Variants in PRUNE2 observed in about 807,000 individuals in gnomAD.
PRUNE2 encodes prune homolog 2 with BCH domain.
In PRUNE2, 164 loss-of-function variants were observed where a neutral mutation model predicts 252.0. That is an observed-to-expected ratio of 0.65 (90% CI 0.57 to 0.74). The LOEUF (loss-of-function observed/expected upper bound fraction) is 0.74, where lower values mean the gene tolerates loss of function less well. PRUNE2 is among the 30% of genes least tolerant of loss of function. The probability of loss-of-function intolerance (pLI) is 0.00; values close to 1 mark genes in which losing one functional copy is unlikely to be tolerated. For missense variants in PRUNE2, 3,495 were observed against 3,711.0 expected, an observed-to-expected ratio of 0.94 and a Z score of 1.51; for synonymous variants, 1,292 against 1,350.2, an observed-to-expected ratio of 0.96 and a Z score of 0.94.
intron 1 of PRUNE2, among the ~76,000 whole-genome samples, chr9:76,859,686 C>CTTGTTTGT (rs35532918): frequency 1.0e-3 from 157 of 150,382 alleles, no homozygotes; most frequent in Middle Eastern, 3.4e-3. Context: ...GGCTAGGGTG[C>CTTGTTTGT]TTGTTTGTTT....
chr9:76,704,722 A>G (rs2046186489), intron 8 of PRUNE2, 39 bp downstream of exon 8: 2 of 1,356,734 alleles, frequency 1.5e-6, no homozygotes, highest in East Asian at 5.0e-5. Flanking sequence ...TAATCAACGC[A>G]GCAGTTTCTT....
chr9:76,779,685 T>C lies in PRUNE2; in HGVS notation c.756+43947A>G, dbSNP rs373853708. ...AAATTCTCCACTGTATTGTCTGAAA[T>C]GACTTATCTCAGTCCTGACTGTGGG... is the stretch of plus-strand genomic sequence containing the variant. On this transcript the variant is annotated intron_variant, in intron 6 of 18. Transcript: ENST00000376718. 34 of 152,346 alleles carry C rather than the reference T, an allele frequency of 2.2e-4. No individual in the cohort carries two copies. The East Asian group carries it at 4.2e-3, about 19-fold the overall frequency. The allele number at this position is 152,346 out of a possible 1,614,324, so 9.4% of individuals were successfully genotyped here.
intron 6 of PRUNE2, among the ~76,000 whole-genome samples, chr9:76,811,540 G>A (rs543493019): frequency 1.8e-4 from 28 of 152,272 alleles, no homozygotes; most frequent in African/African-American, 5.1e-4. Context: ...TGCCAGTGTC[G>A]TGGAGCTTGT....
intron 6 of PRUNE2, among the ~76,000 whole-genome samples, chr9:76,754,089 T>C (rs1013977489): frequency 1.3e-5 from 2 of 152,108 alleles, no homozygotes; most frequent in Non-Finnish European, 2.9e-5. Flanking sequence ...GACTTAATAA[T>C]CTGGAATTTT....
chr9:76,727,974 C>T (rs2048262180), intron 6 of PRUNE2, among the ~76,000 whole-genome samples: 1 of 152,010 alleles, frequency 6.6e-6, no homozygotes, highest in Non-Finnish European at 1.5e-5. Context: ...CCTCAGCCTA[C>T]CAAGGTACTG....
At chr9:76,728,424 T>C (rs913705755) in intron 6 of PRUNE2, among the ~76,000 whole-genome samples, 16 of 152,098 alleles carry the variant, frequency 1.1e-4, no homozygotes, top group African/African-American at 3.4e-4. Context: ...GGGTGAGGCC[T>C]GGGTATCAGT....
intron 6 of PRUNE2, among the ~76,000 whole-genome samples, chr9:76,792,267 C>T (rs2055624566): frequency 6.6e-6 from 1 of 152,172 alleles, no homozygotes; most frequent in African/African-American, 2.4e-5. Context: ...TGCACATGCC[C>T]TCTTGCCTGT....
intron 6 of PRUNE2, among the ~76,000 whole-genome samples, chr9:76,725,040 A>T (rs1353026612): frequency 6.6e-6 from 1 of 151,882 alleles, no homozygotes; most frequent in African/African-American, 2.4e-5. Flanking sequence ...GTATAGATTA[A>T]AAAAAAAGTC....
rs751866864 is a variant in PRUNE2 at position 76,707,408 on chromosome 9, T to C, written c.4866A>G (p.Leu1622=). The C allele has an allele frequency of 3.1e-6, 5 of 1,613,944 alleles. No homozygotes were observed. The highest frequency in any genetic ancestry group is 4.2e-6 in the Non-Finnish European group (5 of 1,179,790). The part of the protein sequence containing the change: ...KSFDRKTPTF[L]EIWNDSVDGD... ...CATCAACTGAGTCATTCCAGATCTC[T>C]AAAAATGTAGGAGTTTTGCGATCAA... is the stretch of plus-strand genomic sequence containing the variant. The change falls in exon 8 of 19, where the codon TTA becomes TTG. Residue 1622 remains leucine, a synonymous_variant. Transcript: ENST00000376718.
At chr9:76,884,863 A>G (rs115281922) in intron 1 of PRUNE2, among the ~76,000 whole-genome samples, 6,627 of 152,318 alleles carry the variant, frequency 0.044, 445 homozygotes, top group African/African-American at 0.14. Flanking sequence ...CTACTTAGAA[A>G]GGAAAGCACT....
chr9:76,813,841 G>A (rs189557532), intron 6 of PRUNE2, among the ~76,000 whole-genome samples: 1 of 152,196 alleles, frequency 6.6e-6, no homozygotes, highest in East Asian at 1.9e-4. Context: ...ATATGAGACA[G>A]AGTCTCTCTC....
intron 6 of PRUNE2, among the ~76,000 whole-genome samples, chr9:76,774,456 T>TA (rs770848796): frequency 0.33 from 43,652 of 133,598 alleles, 8,763 homozygotes; most frequent in African/African-American, 0.5. Flanking sequence ...AACCCTTTTT[T>TA]TTTTTTTTTT....
intron 12 of PRUNE2, chr9:76,642,125 C>A: frequency 3.1e-6 from 2 of 647,878 alleles, no homozygotes; most frequent in Non-Finnish European, 2.6e-6. Flanking sequence ...CCAGTTCTAG[C>A]CTCAGAGGGA....
At chr9:76,820,113 A>C (rs1361851791) in intron 6 of PRUNE2, among the ~76,000 whole-genome samples, 3 of 152,182 alleles carry the variant, frequency 2.0e-5, no homozygotes, top group Non-Finnish European at 4.4e-5. Context: ...GCTGAGCGAA[A>C]TGAGACTGCA....
chr9:76,767,792 A>T (rs79668530), intron 6 of PRUNE2, among the ~76,000 whole-genome samples: 5,161 of 152,214 alleles, frequency 0.034, 120 homozygotes, highest in Non-Finnish European at 0.049. Context: ...AGCTGGAGGG[A>T]GTGCACACTG....
At chr9:76,662,356 AC>A (rs2039264736) in intron 9 of PRUNE2, among the ~76,000 whole-genome samples, 2 of 152,374 alleles carry the variant, frequency 1.3e-5, no homozygotes, top group South Asian at 4.1e-4. Flanking sequence ...TCTGATACTT[AC>A]ATTTCTTCAT....
In PRUNE2 at chr9:76,651,170, G is replaced by T. The variant is rs190910212; in HGVS notation, c.8557+1313C>A. 5.0e-3 allele frequency among the ~76,000 whole-genome samples: 760 copies of T among 151,326 alleles called. 9 individuals carry two copies. The highest frequency in any genetic ancestry group is 0.018 in the African/African-American group (729 of 41,186). On this transcript the variant is annotated intron_variant, in intron 11 of 18. Transcript: ENST00000376718. ...ATATAAAATCTCTACTTACACTAAAGAACTTACTCATGTAACCAAATACCA... is the reference window on the plus strand; with the variant it reads ...ATATAAAATCTCTACTTACACTAAATAACTTACTCATGTAACCAAATACCA...
At chr9:76,772,313 T>C (rs554149338) in intron 6 of PRUNE2, among the ~76,000 whole-genome samples, 1 of 152,294 alleles carries the variant, frequency 6.6e-6, no homozygotes, top group East Asian at 1.9e-4. Flanking sequence ...ATAGTTACAA[T>C]TATTTTGTCA....
intron 6 of PRUNE2, among the ~76,000 whole-genome samples, chr9:76,748,263 C>A (rs969944534): frequency 1.3e-5 from 2 of 152,034 alleles, no homozygotes; most frequent in African/African-American, 4.8e-5. Flanking sequence ...TTTTTTCAAC[C>A]AAATGTTGAG....
Sources: gnomAD v4.1 joint callset for allele counts (sites outside exome capture counted in the v4.1 genomes callset) on GRCh38, gnomAD v4.1.1 for gene constraint, MANE v1.5 for transcripts, NCBI Gene and HGNC (gene_info 2026-07-23, HGNC 2026-07-21) for gene names.